Variants in EHBP1 observed in about 807,000 individuals in gnomAD.
EHBP1 encodes EH domain-binding protein 1.
Under a neutral mutation model 144.0 loss-of-function variants are expected in EHBP1, and 55 were observed. The ratio of observed to expected loss-of-function variants is 0.38; its 90% CI spans 0.31 to 0.48. The LOEUF (loss-of-function observed/expected upper bound fraction) is 0.48, where lower values mean the gene tolerates loss of function less well. Ranked by LOEUF, EHBP1 falls within the 20% of genes least tolerant of loss-of-function variation. The probability of loss-of-function intolerance (pLI) is 0.98; values close to 1 mark genes in which losing one functional copy is unlikely to be tolerated. For synonymous variants in EHBP1, 469 were observed against 472.7 expected (o/e 0.99, Z 0.10); for missense variants, 1,200 against 1,364.2 (o/e 0.88, Z 1.90).
At chr2:62,891,154 G>C (rs1367531875) in intron 10 of EHBP1, among the ~76,000 whole-genome samples, 1 of 144,736 alleles carries the variant, frequency 6.9e-6, no homozygotes, top group Non-Finnish European at 1.5e-5. Flanking sequence ...TCCAGCCTGG[G>C]CGACAAAAAA....
intron 21 of EHBP1, among the ~76,000 whole-genome samples, chr2:63,040,855 C>G (rs2061628503): frequency 6.6e-6 from 1 of 152,206 alleles, no homozygotes; most frequent in Admixed American, 6.5e-5. Context: ...ACAGTGTCCT[C>G]TGAGCCAACC....
chr2:62,719,116 T>C (rs1385762821), intron 2 of EHBP1, among the ~76,000 whole-genome samples: 1 of 151,696 alleles, frequency 6.6e-6, no homozygotes, highest in African/African-American at 2.4e-5. Flanking sequence ...CAGATGTGTG[T>C]CACCACGCCC....
chr2:63,001,369 T>C (rs2059840562), intron 19 of EHBP1, among the ~76,000 whole-genome samples: 2 of 152,152 alleles, frequency 1.3e-5, no homozygotes, highest in Admixed American at 1.3e-4. Context: ...AAAACCTAAC[T>C]GGCCATTTAA....
At chr2:62,754,794 G>A (rs2040115429) in intron 3 of EHBP1, among the ~76,000 whole-genome samples, 1 of 152,220 alleles carries the variant, frequency 6.6e-6, no homozygotes, top group South Asian at 2.1e-4. Flanking sequence ...AGCCAGGAGC[G>A]GGATATAATC....
At chr2:62,986,659 G>T (rs1375900406) in intron 15 of EHBP1, among the ~76,000 whole-genome samples, 1 of 151,770 alleles carries the variant, frequency 6.6e-6, no homozygotes, top group Non-Finnish European at 1.5e-5. Flanking sequence ...GGCTGGTCTT[G>T]AACTCCTGAC....
chr2:62,707,110 G>A lies in EHBP1; in HGVS notation c.-82G>A. The A allele has an allele frequency of 3.8e-6, 4 of 1,066,294 alleles. No individual in the cohort carries two copies. Among genetic ancestry groups the A allele is most frequent in the Admixed American group, 1.7e-5 (1 of 57,244 alleles). The allele number at this position is 1,066,294 out of a possible 1,614,324, so 66.1% of individuals were successfully genotyped here. A position where few individuals can be genotyped will look rare whatever the true frequency, so the allele number is the denominator to read the frequency against. ...AGTTTTTAAAAGACATACATGCAAA[G>A]TTCCTTTGCTTTGGACCCTCTGCAT... On this transcript the variant is annotated 5_prime_UTR_variant, in exon 2 of 23. Coordinates refer to ENST00000431489, the MANE Select transcript of EHBP1 (RefSeq NM_001142616.3).
intron 2 of EHBP1, among the ~76,000 whole-genome samples, chr2:62,735,678 A>T (rs1449133765): frequency 6.6e-6 from 1 of 152,094 alleles, no homozygotes; most frequent in East Asian, 1.9e-4. Context: ...CTGTCTAAAG[A>T]GCTCTTTTTA....
At chr2:62,739,973 A>G (rs1398501176) in intron 2 of EHBP1, among the ~76,000 whole-genome samples, 2 of 150,470 alleles carry the variant, frequency 1.3e-5, no homozygotes, top group East Asian at 3.9e-4. Context: ...TAAATTCTTT[A>G]TACTGTTGTT....
At chr2:62,752,647 A>C (rs1431203355) in intron 3 of EHBP1, among the ~76,000 whole-genome samples, 4 of 152,152 alleles carry the variant, frequency 2.6e-5, no homozygotes, top group African/African-American at 9.7e-5. Flanking sequence ...GACTTGCTTT[A>C]TGAATCCGGG....
intron 14 of EHBP1, among the ~76,000 whole-genome samples, chr2:62,974,967 CAGG>C (rs1301270629): frequency 2.0e-5 from 3 of 152,122 alleles, no homozygotes; most frequent in African/African-American, 7.2e-5. Context: ...TTCTGTAGGT[CAGG>C]AGTTCAGACA....
At chr2:62,824,522 A>G (rs2046209320) in intron 5 of EHBP1, among the ~76,000 whole-genome samples, 2 of 152,006 alleles carry the variant, frequency 1.3e-5, no homozygotes, top group Admixed American at 6.6e-5. Flanking sequence ...CAACCAGGGA[A>G]AGAACACTTG....
At chr2:62,718,924 T>C (rs1423591056) in intron 2 of EHBP1, among the ~76,000 whole-genome samples, 1 of 152,152 alleles carries the variant, frequency 6.6e-6, no homozygotes, top group East Asian at 1.9e-4. Context: ...TGGTTTGTTC[T>C]CTTCCATATA....
At chr2:62,979,989 T>C (rs2058889865) in intron 15 of EHBP1, among the ~76,000 whole-genome samples, 1 of 152,170 alleles carries the variant, frequency 6.6e-6, no homozygotes, top group African/African-American at 2.4e-5. Context: ...TTCACAAGGC[T>C]TGTGAGCTTC....
chr2:62,727,140 C>T (rs201290541), intron 2 of EHBP1, among the ~76,000 whole-genome samples: 2 of 152,158 alleles, frequency 1.3e-5, no homozygotes, highest in African/African-American at 2.4e-5. Flanking sequence ...GGATTACAGG[C>T]GTGAGCCACT....
intron 18 of EHBP1, among the ~76,000 whole-genome samples, chr2:62,995,539 C>T (rs901362688): frequency 1.3e-5 from 2 of 151,942 alleles, no homozygotes; most frequent in African/African-American, 2.4e-5. Context: ...TTCTTTATAG[C>T]TTCTAAGAGA....
chr2:62,905,055 T>A (rs2053688123), intron 10 of EHBP1, among the ~76,000 whole-genome samples: 1 of 152,184 alleles, frequency 6.6e-6, no homozygotes, highest in Admixed American at 6.5e-5. Flanking sequence ...ATCACCAGAT[T>A]TCTTTCTATG....
At chr2:63,035,234 T>G (rs2061404534) in intron 19 of EHBP1, among the ~76,000 whole-genome samples, 1 of 152,098 alleles carries the variant, frequency 6.6e-6, no homozygotes, top group African/African-American at 2.4e-5. Flanking sequence ...TGTCCATCAT[T>G]GTATACTATC....
intron 7 of EHBP1, among the ~76,000 whole-genome samples, chr2:62,857,165 A>C (rs1317717239): frequency 6.6e-6 from 1 of 152,190 alleles, no homozygotes; most frequent in African/African-American, 2.4e-5. Context: ...TGATCCCCAC[A>C]ACAGTTGGAT....
chr2:62,849,310 G>C (rs907832570), intron 7 of EHBP1, among the ~76,000 whole-genome samples: 4 of 152,078 alleles, frequency 2.6e-5, no homozygotes, highest in African/African-American at 9.7e-5. Flanking sequence ...CTTGGAGAGA[G>C]AGAGAGATGC....
Sources: gnomAD v4.1 joint callset for allele counts (sites outside exome capture counted in the v4.1 genomes callset) on GRCh38, gnomAD v4.1.1 for gene constraint, MANE v1.5 for transcripts, NCBI Gene and HGNC (gene_info 2026-07-23, HGNC 2026-07-21) for gene names.